Variants in CPLANE1 observed in about 807,000 individuals in gnomAD.
CPLANE1 encodes the protein ciliogenesis and planar polarity effector complex subunit 1.
CPLANE1 carries 263 observed loss-of-function variants against 362.5 expected under a neutral mutation model. The observed-to-expected ratio is 0.73, with a 90% CI of 0.66 to 0.80. The LOEUF is 0.80. Ranked by LOEUF, CPLANE1 falls within the 30% of genes least tolerant of loss-of-function variation. CPLANE1 has a pLI of 0.00. For synonymous variants in CPLANE1, 1,212 were observed against 1,302.6 expected (o/e 0.93, Z 1.50); for missense variants, 3,461 against 3,793.4 (o/e 0.91, Z 2.30).
intron 50 of CPLANE1, among the ~76,000 whole-genome samples, chr5:37,119,913 G>A (rs762625169): frequency 9.2e-5 from 14 of 152,060 alleles, no homozygotes; most frequent in East Asian, 1.9e-4. Flanking sequence ...CATGAACCTG[G>A]GAGGCAGAGC....
rs1778994345 is a variant in CPLANE1, at chr5:37,168,825, G to A, written c.7199C>T (p.Ser2400Leu). 8 of 1,613,336 alleles carry A rather than the reference G, an allele frequency of 5.0e-6. No homozygotes were observed. The highest frequency in any genetic ancestry group is 5.9e-6 in the Non-Finnish European group (7 of 1,179,750). ...TGGGGACAAATGTGAATGAAGTAAT[G>A]ACAATCTTGGGTATTTTCTTTCTTC... is the stretch of plus-strand genomic sequence containing the variant. ...IAEERKYPRL[S>L]LLHSHLSPEN... Residue 2400 changes from serine to leucine, a missense_variant, in exon 34 of 53, where the codon TCA (serine) becomes TTA (leucine). Coordinates refer to ENST00000651892, the MANE Select transcript of CPLANE1 (RefSeq NM_001384732.1).
chr5:37,198,778 C>T lies in CPLANE1; in HGVS notation c.3596G>A (p.Arg1199Gln), dbSNP rs569380288. 59 of 1,613,978 alleles carry T rather than the reference C, an allele frequency of 3.7e-5. No homozygotes were observed. The highest frequency in any genetic ancestry group is 1.6e-4 in the Middle Eastern group (1 of 6,062). Residue 1199 changes from arginine (R) to glutamine (Q), a missense_variant, in exon 20 of 53, where the codon CGG (arginine) becomes CAG (glutamine). Coordinates refer to ENST00000651892, the MANE Select transcript of CPLANE1 (RefSeq NM_001384732.1). ...TACAGGAAAAGAACACTGAGCCGCC[C>T]GGAAAAGCAGGAGAACACGCTGAAG... ...GILQRVLLLF[R>Q]AAQCSFPVAQ...
chr5:37,190,054 A>G (rs1400731418), intron 21 of CPLANE1, among the ~76,000 whole-genome samples: 1 of 152,096 alleles, frequency 6.6e-6, no homozygotes, highest in African/African-American at 2.4e-5. Flanking sequence ...GAGTAAAGGT[A>G]GTTCATTAAA....
chr5:37,168,894 C>T lies in CPLANE1; in HGVS notation c.7130G>A (p.Arg2377Lys). 1.2e-6 allele frequency: 2 copies of T among 1,614,114 alleles called. No homozygotes were observed. The highest frequency in any genetic ancestry group is 1.7e-6 in the Non-Finnish European group (2 of 1,180,016). ...KPPNMFPSTS[R>K]ASITVPSTPI... ...TGTTGAGGGAACTGTAATAGATGCT[C>T]TTGAGGTTGATGGAAACATATTAGG... Residue 2377 changes from arginine to lysine, a missense_variant, in exon 34 of 53, where the codon AGA becomes AAA. Transcript: ENST00000651892.
intron 6 of CPLANE1, among the ~76,000 whole-genome samples, 172 bp downstream of exon 6, chr5:37,242,839 TAA>T (rs376022376): frequency 1.7e-4 from 23 of 138,670 alleles, no homozygotes; most frequent in Admixed American, 1.5e-4. Context: ...ACTTGTCTGT[TAA>T]AAAAAAAAAA....
At position 37,209,533 on chromosome 5, in the gene CPLANE1, T is replaced by C; in HGVS notation, c.2921-3108A>G. On this transcript the variant is annotated intron_variant, in intron 16 of 52. Transcript: ENST00000651892. This position sits in a 1 kb window ranked among gnomAD's most constrained non-coding sequence, Gnocchi z 4.6. The stretch of plus-strand genomic sequence containing the variant: ...ATGCACCCTGTATTGAGTGGAGAAC[T>C]GCAACCTCAGTCCATTTCAGTGCAA... The C allele has an allele frequency of 7.7e-7, 1 of 1,300,702 alleles. No individual in the cohort carries two copies. The highest frequency in any genetic ancestry group is 1.1e-6 in the Non-Finnish European group (1 of 895,792). 80.6% of individuals were successfully genotyped at this position (1,300,702 alleles called of 1,614,324 possible).
chr5:37,134,495 G>A (rs1766981615), intron 46 of CPLANE1, among the ~76,000 whole-genome samples: 1 of 152,038 alleles, frequency 6.6e-6, no homozygotes, highest in African/African-American at 2.4e-5. Context: ...CACCTTTGTT[G>A]TTTTCTGATT....
At chr5:37,090,747 T>C in the CPLANE1 span, among the ~76,000 whole-genome samples, 3 of 152,220 alleles carry the variant, frequency 2.0e-5, no homozygotes, top group Non-Finnish European at 4.4e-5. Context: ...GGGGCCCTGA[T>C]ACTGGCCTTA....
At chr5:37,167,247 A>G (rs1205045077) in intron 34 of CPLANE1, 34 bp from the exon 35 acceptor site, 3 of 1,528,540 alleles carry the variant, frequency 2.0e-6, no homozygotes, top group Non-Finnish European at 2.7e-6. Flanking sequence ...AGAATGACAA[A>G]TTGCAAACTC....
chr5:37,239,917 A>C, intron 6 of CPLANE1, 48 bp from the exon 7 acceptor site: 1 of 1,291,098 alleles, frequency 7.7e-7, no homozygotes, highest in Non-Finnish European at 1.0e-6. Flanking sequence ...AGTAACTTTT[A>C]AATTTATATG....
At chr5:37,216,901 T>C (rs1794205231) in intron 15 of CPLANE1, among the ~76,000 whole-genome samples, 1 of 152,208 alleles carries the variant, frequency 6.6e-6, no homozygotes, top group African/African-American at 2.4e-5. Context: ...TTGTTCACTG[T>C]ATGTCCCAGC....
chr5:37,162,665 G>A, intron 37 of CPLANE1, 99 bp from the exon 38 acceptor site: 1 of 774,504 alleles, frequency 1.3e-6, no homozygotes, highest in South Asian at 1.8e-5. Flanking sequence ...TAAAATATGG[G>A]GTGTCAGGAT....
intron 50 of CPLANE1, among the ~76,000 whole-genome samples, chr5:37,118,859 G>A (rs376964033): frequency 1.3e-5 from 2 of 151,718 alleles, no homozygotes; most frequent in Non-Finnish European, 2.9e-5. Context: ...GACTACAGGC[G>A]CACACCACCA....
At chr5:37,172,960 G>A (rs1228277239) in intron 32 of CPLANE1, among the ~76,000 whole-genome samples, 2 of 152,036 alleles carry the variant, frequency 1.3e-5, no homozygotes, top group Non-Finnish European at 2.9e-5. Flanking sequence ...CTCCAGCCTG[G>A]GCAACAGAGT....
intron 44 of CPLANE1, chr5:37,140,583 A>G (rs370992565): frequency 3.0e-6 from 3 of 985,460 alleles, no homozygotes. Context: ...GACACTTTCT[A>G]TCAGTATTTG....
chr5:37,142,169 G>C, intron 44 of CPLANE1, 141 bp downstream of exon 44: 1 of 1,272,632 alleles, frequency 7.9e-7, no homozygotes, highest in African/African-American at 1.5e-5. Flanking sequence ...ACTAGCAAAA[G>C]TTTTAACTTT....
At chr5:37,118,895 G>C (rs1030189874) in intron 50 of CPLANE1, among the ~76,000 whole-genome samples, 12 of 151,916 alleles carry the variant, frequency 7.9e-5, no homozygotes, top group African/African-American at 2.9e-4. Context: ...AGTATTTTCA[G>C]TAGAGACGGG....
At chr5:37,229,530 C>T (rs780075014) in intron 9 of CPLANE1, among the ~76,000 whole-genome samples, 1 of 137,944 alleles carries the variant, frequency 7.2e-6, no homozygotes, top group Non-Finnish European at 1.6e-5. Flanking sequence ...CAGAGCGAGA[C>T]TCTGTCTCAA....
chr5:37,226,422 A>G lies in CPLANE1; in HGVS notation c.2173T>C (p.Leu725=), dbSNP rs1406174406. ...DGSKITAQDS[L]VVPIFQMFQD... ...AACATCTGAAAAATAGGTACCACCA[A>G]TGAGTCTTGAGCTGTTATTTTACTT... The change falls in exon 12 of 53, where the codon TTG becomes CTG. Residue 725 remains leucine (L), a synonymous_variant. Coordinates refer to ENST00000651892, the MANE Select transcript of CPLANE1 (RefSeq NM_001384732.1). The G allele has an allele frequency of 2.6e-6, 4 of 1,551,150 alleles. No individual in the cohort carries two copies. The highest frequency in any genetic ancestry group is 1.2e-5 in the South Asian group (1 of 83,960).
Sources: allele counts gnomAD v4.1 joint callset (sites outside exome capture counted in the v4.1 genomes callset), GRCh38; gene constraint gnomAD v4.1.1; non-coding constraint Gnocchi (gnomAD v3.1); transcripts MANE v1.5; gene names NCBI Gene and HGNC (gene_info 2026-07-23, HGNC 2026-07-21).